Variants in DIAPH1 observed in about 807,000 individuals in gnomAD.
DIAPH1 encodes protein diaphanous homolog 1.
A neutral mutation model predicts 140.7 loss-of-function variants in DIAPH1; 46 were observed. That is an observed-to-expected ratio of 0.33 (90% CI 0.26 to 0.42). The LOEUF is 0.42. DIAPH1 is among the 10% of genes least tolerant of loss of function. The pLI is 1.00. For missense variants in DIAPH1, 1,310 were observed against 1,558.7 expected (o/e 0.84, Z 2.69); for synonymous variants, 565 against 551.6 (o/e 1.02, Z -0.34).
intron 8 of DIAPH1, 57 bp from the exon 9 acceptor site, chr5:141,579,253 A>G (rs181699529): frequency 7.8e-7 from 1 of 1,282,508 alleles, no homozygotes; most frequent in South Asian, 1.2e-5. Flanking sequence ...ACGGACACGT[A>G]TAATGAGTAA....
chr5:141,582,405 C>T, intron 6 of DIAPH1, 30 bp from the exon 7 acceptor site: 1 of 1,511,802 alleles, frequency 6.6e-7, no homozygotes, highest in Non-Finnish European at 9.2e-7. Flanking sequence ...TCAGTGAGGT[C>T]CCTTTATTCT....
chr5:141,527,318 G>A (rs1367791333), intron 24 of DIAPH1, among the ~76,000 whole-genome samples: 1 of 152,164 alleles, frequency 6.6e-6, no homozygotes, highest in Non-Finnish European at 1.5e-5. Context: ...AGGAGGCTGA[G>A]GGGGTAAGGA....
At chr5:141,543,930 C>T (rs1475119634) in intron 18 of DIAPH1, among the ~76,000 whole-genome samples, 1 of 152,042 alleles carries the variant, frequency 6.6e-6, no homozygotes, top group Non-Finnish European at 1.5e-5. Context: ...AAATGGAAAA[C>T]CTAAAACTAC....
At chr5:141,586,963 G>T in intron 3 of DIAPH1, 79 bp downstream of exon 3, 1 of 1,460,654 alleles carries the variant, frequency 6.8e-7, no homozygotes, top group Non-Finnish European at 9.6e-7. Context: ...AGGGCTAGTT[G>T]GGAATTATGC....
intron 7 of DIAPH1, among the ~76,000 whole-genome samples, 155 bp from the exon 8 acceptor site, chr5:141,581,038 A>G (rs954187144): frequency 5.3e-5 from 8 of 152,246 alleles, no homozygotes; most frequent in African/African-American, 1.9e-4. Context: ...TCATCTGGAA[A>G]TATACTCATT....
chr5:141,561,732 G>A (rs1197277105), intron 18 of DIAPH1: 1 of 152,166 alleles, frequency 6.6e-6, no homozygotes, highest in Non-Finnish European at 1.5e-5. Context: ...GTAATAAGGT[G>A]TACATAATTT....
In DIAPH1 at chr5:141,576,903, G is replaced by C. The variant is rs759673908; in HGVS notation, c.1281-32C>G. The C allele has an allele frequency of 4.6e-6, 6 of 1,291,298 alleles. No individual in the cohort carries two copies. The Admixed American group carries it at 1.0e-4, about 22-fold the overall frequency. 80.0% of individuals were successfully genotyped at this position (1,291,298 alleles called of 1,614,324 possible). A position where few individuals can be genotyped will look rare whatever the true frequency, so the allele number is the denominator to read the frequency against. ...GAGAATAAAAACAGGGTCATCAAAG[G>C]AAAATCAAAATATAATTTTCAGAAG... On this transcript the variant is annotated intron_variant, in intron 12 of 27. Transcript: ENST00000389054.
intron 1 of DIAPH1, among the ~76,000 whole-genome samples, chr5:141,590,594 C>T (rs975184615): frequency 2.0e-5 from 3 of 152,162 alleles, no homozygotes; most frequent in African/African-American, 7.2e-5. Context: ...AGAGTCATTG[C>T]TTCCAAAATC....
At chr5:141,528,075 G>A (rs540625087) in intron 23 of DIAPH1, among the ~76,000 whole-genome samples, 64 of 152,280 alleles carry the variant, frequency 4.2e-4, no homozygotes, top group African/African-American at 1.5e-3. Flanking sequence ...GGCGGGGGCA[G>A]AAATCTGTTC....
Position 141,591,695 on chromosome 5 carries a change from G to GATATATATATATATATATATAT in DIAPH1, c.118-3467_118-3446dup, listed in dbSNP as rs56117502. Among the ~76,000 whole-genome samples the GATATATATATATATATATATAT allele has an allele frequency of 3.4e-3, 296 of 86,198 alleles. 9 individuals carry two copies. The highest frequency in any genetic ancestry group is 4.5e-3 in the African/African-American group (78 of 17,450). The allele number at this position is 86,198 out of a possible 152,430, so 56.5% of individuals were successfully genotyped here. ...TGGAAAAGGAAGGAAGGGAGATGGG[G>GATATATATATATATATATATAT]ATATATATATATATATATATATATA... On this transcript the variant is annotated intron_variant, in intron 1 of 27. Coordinates refer to ENST00000389054, the MANE Select transcript of DIAPH1 (RefSeq NM_005219.5).
chr5:141,577,996 T>C (rs1342156749), intron 11 of DIAPH1: 4 of 600,690 alleles, frequency 6.7e-6, no homozygotes, highest in Middle Eastern at 3.2e-4. Context: ...CTGATTTTGA[T>C]GGCTTCCATG....
At chr5:141,560,840 C>T in intron 18 of DIAPH1, 3 of 456,198 alleles carry the variant, frequency 6.6e-6, no homozygotes, top group South Asian at 4.6e-5. Context: ...CAGCCCCCAG[C>T]CTGAGCCTGC....
intron 18 of DIAPH1, among the ~76,000 whole-genome samples, chr5:141,553,137 C>G (rs1023848802): frequency 6.6e-6 from 1 of 152,018 alleles, no homozygotes; most frequent in African/African-American, 2.4e-5. Flanking sequence ...ACTAAAGATA[C>G]AAAAATTAGC....
intron 19 of DIAPH1, among the ~76,000 whole-genome samples, chr5:141,530,304 T>C (rs903602458): frequency 5.3e-5 from 8 of 152,216 alleles, no homozygotes; most frequent in Admixed American, 1.3e-4. Flanking sequence ...TTCACTGATA[T>C]ATCAGTTCCA....
intron 18 of DIAPH1, among the ~76,000 whole-genome samples, chr5:141,567,711 C>A (rs1029150843): frequency 6.6e-5 from 10 of 152,268 alleles, no homozygotes; most frequent in Middle Eastern, 3.4e-3. Flanking sequence ...ACCTAGTGGA[C>A]AGAAGAGATA....
intron 27 of DIAPH1, among the ~76,000 whole-genome samples, chr5:141,522,859 G>C (rs2099886774): frequency 6.6e-6 from 1 of 152,168 alleles, no homozygotes; most frequent in Non-Finnish European, 1.5e-5. Flanking sequence ...AAATGGGTAA[G>C]AACTTTGACT....
Position 141,516,552 on chromosome 5 carries a change from C to CT in DIAPH1, c.*298dup, listed in dbSNP as rs1381153641. On this transcript the variant is annotated 3_prime_UTR_variant, in exon 28 of 28. Transcript: ENST00000389054. ...TGGGCCTTGTCTGAGATGAGGCCCT[C>CT]TGAGTAACAGAGAGGAGACAGGGTT... The CT allele has an allele frequency of 2.2e-6, 1 of 445,424 alleles. No individual in the cohort carries two copies. Among genetic ancestry groups the CT allele is most frequent in the African/African-American group, 2.0e-5 (1 of 50,318 alleles). 27.6% of individuals were successfully genotyped at this position (445,424 alleles called of 1,614,324 possible). A position where few individuals can be genotyped will look rare whatever the true frequency, so the allele number is the denominator to read the frequency against.
chr5:141,610,810 T>C (rs528788870), intron 1 of DIAPH1, among the ~76,000 whole-genome samples: 1 of 151,636 alleles, frequency 6.6e-6, no homozygotes, highest in Admixed American at 6.6e-5. Context: ...GTGCAGTGAC[T>C]CATGCCTTAA....
intron 6 of DIAPH1, among the ~76,000 whole-genome samples, 165 bp downstream of exon 6, chr5:141,583,041 C>T (rs2099897011): frequency 6.6e-6 from 1 of 151,832 alleles, no homozygotes; most frequent in Non-Finnish European, 1.5e-5. Flanking sequence ...TATCTATAAT[C>T]ATCATTCATC....
Sources: gnomAD v4.1 joint callset for allele counts (sites outside exome capture counted in the v4.1 genomes callset) on GRCh38, gnomAD v4.1.1 for gene constraint, MANE v1.5 for transcripts, NCBI Gene and HGNC (gene_info 2026-07-23, HGNC 2026-07-21) for gene names.